NR2C1: variants seen among roughly 807,000 people sequenced by gnomAD.
The protein encoded by NR2C1 is TR2 nuclear hormone receptor.
A neutral mutation model predicts 74.8 loss-of-function variants in NR2C1; 33 were observed. The observed-to-expected ratio is 0.44, with a 90% CI of 0.33 to 0.59. The LOEUF is 0.59. Among genes scored for constraint, NR2C1 ranks in the 20% least tolerant of loss-of-function variants. NR2C1 has a pLI of 0.02. For synonymous variants in NR2C1, 225 were observed against 240.6 expected, an observed-to-expected ratio of 0.94 and a Z score of 0.60; for missense variants, 568 against 715.6, an observed-to-expected ratio of 0.79 and a Z score of 2.35.
chr12:95,062,445 G>A, intron 3 of NR2C1, 63 bp downstream of exon 3: 1 of 1,083,634 alleles, frequency 9.2e-7, no homozygotes, highest in Non-Finnish European at 1.3e-6. Context: ...TCATGGCAGG[G>A]CTTATGATTA....
chr12:95,027,109 C>A (rs957974233), intron 12 of NR2C1, among the ~76,000 whole-genome samples: 2 of 152,156 alleles, frequency 1.3e-5, no homozygotes, highest in Non-Finnish European at 2.9e-5. Context: ...GGCTAGAATG[C>A]AGCAGCATGA....
chr12:95,064,439 A>C (rs964398283), intron 2 of NR2C1, among the ~76,000 whole-genome samples: 1 of 152,168 alleles, frequency 6.6e-6, no homozygotes, highest in African/African-American at 2.4e-5. Context: ...AATACTGACC[A>C]GGAACAGGGT....
At chr12:95,057,404 C>T (rs767112475) in intron 7 of NR2C1, 149 bp downstream of exon 7, 18 of 593,866 alleles carry the variant, frequency 3.0e-5, no homozygotes, top group South Asian at 1.1e-4. Flanking sequence ...TGTGCCCAGC[C>T]GAACATTTCT....
At position 95,031,375 on chromosome 12, in the gene NR2C1, T is replaced by C. The variant is rs1293170093; in HGVS notation, c.1367A>G (p.Asn456Ser). The C allele has an allele frequency of 3.1e-6, 5 of 1,603,958 alleles. No homozygotes were observed. Among genetic ancestry groups the C allele is most frequent in the Non-Finnish European group, 3.4e-6 (4 of 1,176,204 alleles). The change falls in exon 11 of 14, where the codon AAT becomes AGT. Residue 456 changes from asparagine to serine, a missense_variant. Physicochemically the swap from Asn to Ser is conservative, Grantham distance 46. Around this residue, in one of 6 missense-constraint regions of NR2C1, gnomAD observed 117 missense variants for 186.7 expected, o/e 0.63. Coordinates refer to ENST00000333003, the MANE Select transcript of NR2C1 (RefSeq NM_003297.4). ...NVATILATFV[N>S]CLHNSLQQDK... ...TTGTTGAAGACTATTGTGAAGACAA[T>C]TGACAAATGTTGCTAATATAGTTGC... is the stretch of plus-strand genomic sequence containing the variant.
chr12:95,036,754 G>A (rs1344236288), intron 10 of NR2C1, among the ~76,000 whole-genome samples: 5 of 152,000 alleles, frequency 3.3e-5, no homozygotes, highest in South Asian at 2.1e-4. Context: ...CAAGTGATCC[G>A]CCTGCTTTGG....
intron 2 of NR2C1, among the ~76,000 whole-genome samples, chr12:95,066,372 A>G (rs2136200315): frequency 6.6e-6 from 1 of 152,334 alleles, no homozygotes; most frequent in African/African-American, 2.4e-5. Context: ...GCACGTGAGC[A>G]CAAAAAATGG....
At chr12:95,023,966 C>G (rs1869052365) in intron 13 of NR2C1, among the ~76,000 whole-genome samples, 1 of 152,152 alleles carries the variant, frequency 6.6e-6, no homozygotes, top group African/African-American at 2.4e-5. Context: ...ACACCTCAGA[C>G]CAAATTAGAC....
chr12:95,050,620 T>C (rs1872856568), intron 8 of NR2C1, among the ~76,000 whole-genome samples: 1 of 151,804 alleles, frequency 6.6e-6, no homozygotes, highest in Non-Finnish European at 1.5e-5. Context: ...ATTCAGCGTA[T>C]TTTTATCATA....
intron 9 of NR2C1, among the ~76,000 whole-genome samples, chr12:95,047,002 T>G (rs535735634): frequency 3.4e-4 from 51 of 152,176 alleles, no homozygotes; most frequent in African/African-American, 1.2e-3. Context: ...AAAAAAAAGT[T>G]GTAATTTGCC....
intron 2 of NR2C1, among the ~76,000 whole-genome samples, chr12:95,066,518 T>C (rs1049343400): frequency 3.3e-5 from 5 of 152,204 alleles, no homozygotes; most frequent in African/African-American, 1.2e-4. Flanking sequence ...TAATACCCTT[T>C]TCAAACTGTG....
rs910472949 is a variant in NR2C1, at chr12:95,057,747, C to G, written c.676G>C (p.Asp226His). ...TTACTTTACCTTGTACTTTCACTAT[C>G]TGTTACAAAAGTTGGAGTTGCAGTT... ...PLTATPTFVT[D>H]SESTRSTGLL... The change falls in exon 6 of 14, where the codon GAT becomes CAT. Residue 226 changes from aspartate to histidine, a missense_variant. Asp to His is a moderately conservative substitution (Grantham distance 81, BLOSUM62 -1). Coordinates refer to ENST00000333003, the MANE Select transcript of NR2C1 (RefSeq NM_003297.4). 6.2e-7 allele frequency: 1 copy of G among 1,613,876 alleles called. No homozygotes were observed. The highest frequency in any genetic ancestry group is 1.3e-5 in the African/African-American group (1 of 74,906).
rs541129662 is a variant in NR2C1, at chr12:95,020,649, T to C, written c.*1580A>G. ...CACATCCCCACAAAAACTTCACTTT[T>C]CTTCTATTGCAAAAATCTTTACAAA... is the stretch of plus-strand genomic sequence containing the variant. On this transcript the variant is annotated 3_prime_UTR_variant, in exon 14 of 14. Transcript: ENST00000333003. 6.6e-6 allele frequency: 1 copy of C among 152,358 alleles called. No homozygotes were observed. Among genetic ancestry groups the C allele is most frequent in the South Asian group, 2.1e-4 (1 of 4,834 alleles). 9.4% of individuals were successfully genotyped at this position (152,358 alleles called of 1,614,324 possible). A position where few individuals can be genotyped will look rare whatever the true frequency, so the allele number is the denominator to read the frequency against.
chr12:95,020,441 T>A lies in NR2C1; in HGVS notation c.*1788A>T, dbSNP rs1565825978. 2 of 152,308 alleles carry A rather than the reference T, an allele frequency of 1.3e-5. No individual in the cohort carries two copies. The highest frequency in any genetic ancestry group is 4.1e-4 in the South Asian group (2 of 4,822). The allele number at this position is 152,308 out of a possible 1,614,324, so 9.4% of individuals were successfully genotyped here. A position where few individuals can be genotyped will look rare whatever the true frequency, so the allele number is the denominator to read the frequency against. On this transcript the variant is annotated 3_prime_UTR_variant, in exon 14 of 14. Transcript: ENST00000333003. ...TTACTAAACTGTATTTATAAAGGTATAAACTACTGATTTTTCCATTTGAGT... is the reference window on the plus strand; with the variant it reads ...TTACTAAACTGTATTTATAAAGGTAAAAACTACTGATTTTTCCATTTGAGT...
chr12:95,063,861 C>G (rs1875184917), intron 2 of NR2C1, among the ~76,000 whole-genome samples: 1 of 151,452 alleles, frequency 6.6e-6, no homozygotes, highest in South Asian at 2.1e-4. Flanking sequence ...GAAACCCTGT[C>G]TCTACTAAAA....
chr12:95,054,475 T>A (rs1483810561), intron 7 of NR2C1, among the ~76,000 whole-genome samples: 5 of 152,004 alleles, frequency 3.3e-5, no homozygotes, highest in Non-Finnish European at 5.9e-5. Flanking sequence ...CCTGGGTAAT[T>A]TTTTTATTTT....
chr12:95,066,071 T>C (rs1192747663), intron 2 of NR2C1, among the ~76,000 whole-genome samples: 2 of 152,232 alleles, frequency 1.3e-5, no homozygotes, highest in Admixed American at 1.3e-4. Flanking sequence ...CTAAAAAGTT[T>C]ATTTTCCAAA....
intron 9 of NR2C1, among the ~76,000 whole-genome samples, chr12:95,046,609 T>C (rs1195015450): frequency 1.3e-5 from 2 of 152,092 alleles, no homozygotes; most frequent in Non-Finnish European, 2.9e-5. Context: ...AAATTAAAAA[T>C]TCTAACCTCA....
At chr12:95,040,016 T>C (rs1418086283) in intron 10 of NR2C1, among the ~76,000 whole-genome samples, 3 of 152,162 alleles carry the variant, frequency 2.0e-5, no homozygotes, top group South Asian at 2.1e-4. Context: ...ATTTTCTTTT[T>C]TTTTTTTTGA....
intron 4 of NR2C1, 110 bp downstream of exon 4, chr12:95,059,794 CTT>C (rs1309017912): frequency 2.7e-6 from 2 of 731,568 alleles, no homozygotes; most frequent in South Asian, 2.2e-5. Context: ...CTTTATTTCT[CTT>C]CTTACTTTTA....
Sources: allele counts gnomAD v4.1 joint callset (sites outside exome capture counted in the v4.1 genomes callset), GRCh38; gene constraint gnomAD v4.1.1; regional missense constraint gnomAD v4.1.1; transcripts MANE v1.5; gene names NCBI Gene and HGNC (gene_info 2026-07-23, HGNC 2026-07-21).